The following SNX13 variants were observed in gnomAD, a reference collection of about 807,000 sequenced individuals.
The protein encoded by SNX13 is sorting nexin 13.
Under a neutral mutation model 133.6 loss-of-function variants are expected in SNX13, and 45 were observed. The observed-to-expected ratio is 0.34, with a 90% confidence interval of 0.27 to 0.43. The LOEUF is 0.43. SNX13 is among the 20% of genes least tolerant of loss of function. The pLI is 1.00. For synonymous variants in SNX13, 414 were observed against 373.9 expected (o/e 1.11, Z -1.24); for missense variants, 1,032 against 1,145.1 (o/e 0.90, Z 1.43).
At chr7:17,904,259 C>T (rs1268448164) in intron 1 of SNX13, among the ~76,000 whole-genome samples, 1 of 152,164 alleles carries the variant, frequency 6.6e-6, no homozygotes, top group African/African-American at 2.4e-5. Flanking sequence ...ATAACCTTTG[C>T]AAAATCACTA....
chr7:17,812,067 CAAT>C (rs1735203997), intron 20 of SNX13, among the ~76,000 whole-genome samples: 1 of 152,144 alleles, frequency 6.6e-6, no homozygotes, highest in South Asian at 2.1e-4. Context: ...CTAGGCAATA[CAAT>C]CCAGGACATA....
At chr7:17,856,656 G>A (rs933868712) in intron 9 of SNX13, among the ~76,000 whole-genome samples, 2 of 151,760 alleles carry the variant, frequency 1.3e-5, no homozygotes, top group African/African-American at 2.4e-5. Flanking sequence ...GCCGGGTATG[G>A]TGGCATATCC....
chr7:17,815,577 C>A (rs1786566697), intron 19 of SNX13, among the ~76,000 whole-genome samples: 1 of 152,054 alleles, frequency 6.6e-6, no homozygotes, highest in Non-Finnish European at 1.5e-5. Flanking sequence ...AGAACAAGAT[C>A]CTGTCTCAAA....
At chr7:17,847,196 ATAAAC>A (rs1053962259) in intron 11 of SNX13, among the ~76,000 whole-genome samples, 2 of 151,608 alleles carry the variant, frequency 1.3e-5, no homozygotes, top group Admixed American at 1.3e-4. Flanking sequence ...GCACGAGTAT[ATAAAC>A]TAGTTTTAAA....
rs770899358 is a variant in SNX13, at chr7:17,794,003, T to C, written c.*42A>G. 2.5e-6 allele frequency: 4 copies of C among 1,597,508 alleles called. No individual in the cohort carries two copies. The South Asian group carries it at 3.4e-5, about 14-fold the overall frequency. On this transcript the variant is annotated 3_prime_UTR_variant, in exon 26 of 26. Coordinates refer to ENST00000428135, the MANE Select transcript of SNX13 (RefSeq NM_015132.5). ...GCCCCAGAAGATCTGTCCATACCAT[T>C]AGTCCTGGACAAAATGAACACCAGC... is the stretch of plus-strand genomic sequence containing the variant.
chr7:17,803,721 G>A (rs947853629), intron 20 of SNX13, 141 bp from the exon 21 acceptor site: 2 of 743,096 alleles, frequency 2.7e-6, no homozygotes, highest in Non-Finnish European at 4.1e-6. Context: ...CATTTTAAAA[G>A]TACAGAAATG....
chr7:17,898,949 G>C (rs1455911903), intron 1 of SNX13: 2 of 152,134 alleles, frequency 1.3e-5, no homozygotes, highest in Non-Finnish European at 1.5e-5. Context: ...CGAAGTTTCT[G>C]CTCTGCCTCC....
chr7:17,861,027 T>G (rs1792610192), intron 9 of SNX13, among the ~76,000 whole-genome samples: 1 of 152,032 alleles, frequency 6.6e-6, no homozygotes, highest in African/African-American at 2.4e-5. Context: ...ATTTGTGTCT[T>G]TTTTTTGTGA....
At position 17,834,258 on chromosome 7, in the gene SNX13, A is replaced by G. The variant is rs1788865280; in HGVS notation, c.1465-74T>C. On this transcript the variant is annotated intron_variant, in intron 14 of 25. Transcript: ENST00000428135. ...GATTTTTACAAAACACAATTTCACC[A>G]AAAGACACACTGAGGTCTTGCCATA... 3.8e-6 allele frequency: 5 copies of G among 1,318,464 alleles called. No individual in the cohort carries two copies. In the African/African-American group the frequency reaches 4.4e-5, roughly 12 times the overall value. 81.7% of individuals were successfully genotyped at this position (1,318,464 alleles called of 1,614,324 possible). A position where few individuals can be genotyped will look rare whatever the true frequency, so the allele number is the denominator to read the frequency against.
chr7:17,893,311 A>C, intron 3 of SNX13, 21 bp downstream of exon 3: 2 of 1,494,482 alleles, frequency 1.3e-6, no homozygotes, highest in Non-Finnish European at 9.1e-7. Flanking sequence ...TTGAGGTTTT[A>C]TATTCCCTCA....
At chr7:17,806,184 AT>A (rs1785275654) in intron 20 of SNX13, among the ~76,000 whole-genome samples, 1 of 139,476 alleles carries the variant, frequency 7.2e-6, no homozygotes. Context: ...TTAAATTTAG[AT>A]CTCTAATTAT....
chr7:17,836,089 C>T (rs1488374906), intron 13 of SNX13, among the ~76,000 whole-genome samples: 1 of 151,924 alleles, frequency 6.6e-6, no homozygotes, highest in Admixed American at 6.6e-5. Context: ...TTAAACTTTA[C>T]TTTTTCCTAT....
At chr7:17,830,963 C>T (rs1173699290) in intron 15 of SNX13, 1 of 984,176 alleles carries the variant, frequency 1.0e-6, no homozygotes, top group Non-Finnish European at 1.2e-6. Context: ...CTTGGTTCTT[C>T]AGCCCTCTGG....
At chr7:17,817,872 A>C (rs1786840197) in intron 18 of SNX13, among the ~76,000 whole-genome samples, 1 of 152,218 alleles carries the variant, frequency 6.6e-6, no homozygotes, top group Non-Finnish European at 1.5e-5. Context: ...GGTATTACCA[A>C]GTCTTGTGTG....
chr7:17,869,650 A>T (rs1793824048), intron 8 of SNX13, among the ~76,000 whole-genome samples: 1 of 152,156 alleles, frequency 6.6e-6, no homozygotes, highest in South Asian at 2.1e-4. Context: ...ATGAATCAGT[A>T]TTTCCAAAAA....
At chr7:17,912,160 A>G (rs1045459490) in intron 1 of SNX13, among the ~76,000 whole-genome samples, 2 of 152,210 alleles carry the variant, frequency 1.3e-5, no homozygotes, top group African/African-American at 4.8e-5. Context: ...CAGGAAGAAG[A>G]AGGTGGGCAG....
chr7:17,876,598 C>T (rs181380738), intron 5 of SNX13, among the ~76,000 whole-genome samples: 209 of 143,142 alleles, frequency 1.5e-3, no homozygotes, highest in African/African-American at 5.3e-3. Flanking sequence ...AAAGCCTTAA[C>T]CATTAGAAAT....
chr7:17,935,901 C>A (rs1466623569), intron 1 of SNX13, among the ~76,000 whole-genome samples: 1 of 152,122 alleles, frequency 6.6e-6, no homozygotes. Flanking sequence ...AAGAGTATTT[C>A]TATTACAAAT....
intron 5 of SNX13, among the ~76,000 whole-genome samples, chr7:17,879,253 C>A (rs552478501): frequency 1.8e-4 from 28 of 152,252 alleles, no homozygotes; most frequent in Non-Finnish European, 3.7e-4. Flanking sequence ...GGCTGGAATG[C>A]CATGACTCTT....
Sources: gnomAD v4.1 joint callset for allele counts (sites outside exome capture counted in the v4.1 genomes callset) on GRCh38, gnomAD v4.1.1 for gene constraint, MANE v1.5 for transcripts, NCBI Gene and HGNC (gene_info 2026-07-23, HGNC 2026-07-21) for gene names.